EIF2S2: variants seen among roughly 807,000 people sequenced by gnomAD.
EIF2S2 encodes the protein eukaryotic translation initiation factor 2 subunit 2.
Under a neutral mutation model 44.0 loss-of-function variants are expected in EIF2S2, and 4 were observed. That is an observed-to-expected ratio of 0.09 (90% CI 0.04 to 0.21). The LOEUF is 0.21. Ranked by LOEUF, EIF2S2 falls within the 10% of genes least tolerant of loss-of-function variation. The pLI is 1.00. For synonymous variants in EIF2S2, 108 were observed against 128.3 expected, an observed-to-expected ratio of 0.84 and a Z score of 1.07; for missense variants, 154 against 392.0, an observed-to-expected ratio of 0.39 and a Z score of 5.13.
chr20:34,095,256 G>A (rs1468854885), intron 6 of EIF2S2, among the ~76,000 whole-genome samples: 1 of 150,558 alleles, frequency 6.6e-6, no homozygotes, highest in African/African-American at 2.4e-5. Context: ...TTTAAAATAT[G>A]TACATAAAAC....
At chr20:34,105,628 A>G in intron 1 of EIF2S2, 83 bp from the exon 2 acceptor site, 1 of 1,300,360 alleles carries the variant, frequency 7.7e-7, no homozygotes, top group East Asian at 2.5e-5. Context: ...TATCCTCAAA[A>G]GGCATACTCT....
intron 1 of EIF2S2, among the ~76,000 whole-genome samples, chr20:34,109,815 A>G (rs2034391375): frequency 6.6e-6 from 1 of 152,044 alleles, no homozygotes; most frequent in Admixed American, 6.5e-5. Flanking sequence ...AAAAAAACAA[A>G]AACAGAAGGC....
intron 1 of EIF2S2, among the ~76,000 whole-genome samples, chr20:34,107,252 A>C (rs2034360427): frequency 6.6e-6 from 1 of 151,796 alleles, no homozygotes. Flanking sequence ...TTTTTTCCTG[A>C]ACCCCTTACC....
chr20:34,109,250 T>C (rs576742560), intron 1 of EIF2S2, among the ~76,000 whole-genome samples: 2 of 152,330 alleles, frequency 1.3e-5, no homozygotes, highest in Non-Finnish European at 2.9e-5. Context: ...TTCTGACTCC[T>C]TGTGAATGGG....
chr20:34,109,809 A>C, intron 1 of EIF2S2, among the ~76,000 whole-genome samples: 1 of 152,014 alleles, frequency 6.6e-6, no homozygotes, highest in East Asian at 1.9e-4. Context: ...GAAAAAAAAA[A>C]AACAAAAACA....
intron 4 of EIF2S2, among the ~76,000 whole-genome samples, chr20:34,098,070 A>T (rs2034251395): frequency 6.6e-6 from 1 of 151,942 alleles, no homozygotes. Flanking sequence ...ACATGGAGAA[A>T]CTCCCATCTC....
intron 7 of EIF2S2, among the ~76,000 whole-genome samples, chr20:34,093,047 A>T (rs1233626151): frequency 1.3e-5 from 2 of 152,250 alleles, no homozygotes; most frequent in African/African-American, 4.8e-5. Flanking sequence ...CACTTGGCAC[A>T]AAAGAGGTGC....
chr20:34,098,467 T>C, intron 4 of EIF2S2, 31 bp downstream of exon 4: 1 of 1,610,756 alleles, frequency 6.2e-7, no homozygotes, highest in Non-Finnish European at 8.5e-7. Context: ...TTGAGTAACC[T>C]CTAAATGTGC....
intron 1 of EIF2S2, among the ~76,000 whole-genome samples, chr20:34,111,661 T>G (rs1002064115): frequency 1.3e-5 from 2 of 152,192 alleles, no homozygotes; most frequent in African/African-American, 4.8e-5. Context: ...CCTAGAAAGT[T>G]TTAACGAGGG....
chr20:34,097,343 A>AT, intron 5 of EIF2S2, 73 bp downstream of exon 5: 6 of 1,312,996 alleles, frequency 4.6e-6, no homozygotes, highest in East Asian at 2.3e-5. Context: ...GGCCGTTCCA[A>AT]TAAGATTTAT....
At chr20:34,111,024 G>T (rs529365746) in intron 1 of EIF2S2, among the ~76,000 whole-genome samples, 8 of 152,258 alleles carry the variant, frequency 5.3e-5, no homozygotes, top group South Asian at 2.1e-4. Context: ...CACAACAATA[G>T]ACCTATTTTA....
intron 4 of EIF2S2, 58 bp from the exon 5 acceptor site, chr20:34,097,574 G>C: frequency 1.4e-6 from 2 of 1,415,984 alleles, no homozygotes; most frequent in Middle Eastern, 1.8e-4. Context: ...TACAAAAGTG[G>C]GGTGGGTCTA....
At chr20:34,091,784 G>GGT (rs2034168303) in intron 7 of EIF2S2, among the ~76,000 whole-genome samples, 1 of 143,102 alleles carries the variant, frequency 7.0e-6, no homozygotes, top group South Asian at 2.4e-4. Flanking sequence ...TTTGGGGGGG[G>GGT]GGGGTCCAAG....
intron 4 of EIF2S2, 71 bp downstream of exon 4, chr20:34,098,427 A>AC: frequency 6.4e-7 from 1 of 1,566,734 alleles, no homozygotes; most frequent in Middle Eastern, 2.3e-4. Context: ...AGCACCCTCC[A>AC]CCCCCATCAA....
intron 6 of EIF2S2, among the ~76,000 whole-genome samples, chr20:34,095,894 GA>G (rs1246483577): frequency 6.6e-6 from 1 of 152,116 alleles, no homozygotes; most frequent in Non-Finnish European, 1.5e-5. Flanking sequence ...TGGTCCTAAG[GA>G]AACTGCCAGA....
chr20:34,099,784 C>A (rs761340055), intron 3 of EIF2S2, among the ~76,000 whole-genome samples: 6 of 152,066 alleles, frequency 3.9e-5, no homozygotes, highest in Non-Finnish European at 7.3e-5. Context: ...GTACTTACTA[C>A]TGCCAATTTA....
intron 3 of EIF2S2, 35 bp downstream of exon 3, chr20:34,103,427 G>C: frequency 6.6e-7 from 1 of 1,514,808 alleles, no homozygotes; most frequent in Non-Finnish European, 8.9e-7. Flanking sequence ...CTTGCAAGAG[G>C]TCAAATTTTA....
intron 3 of EIF2S2, among the ~76,000 whole-genome samples, chr20:34,100,888 A>G (rs1473479216): frequency 2.0e-5 from 3 of 152,200 alleles, no homozygotes; most frequent in African/African-American, 4.8e-5. Flanking sequence ...AGAAGAGCAG[A>G]AAAGGCCAGT....
At chr20:34,102,358 T>C (rs1054499542) in intron 3 of EIF2S2, among the ~76,000 whole-genome samples, 2 of 152,164 alleles carry the variant, frequency 1.3e-5, no homozygotes, top group African/African-American at 2.4e-5. Flanking sequence ...ACAAGATGAA[T>C]CCAGATAAAA....
Sources: gnomAD v4.1 joint callset for allele counts (sites outside exome capture counted in the v4.1 genomes callset) on GRCh38, gnomAD v4.1.1 for gene constraint, MANE v1.5 for transcripts, NCBI Gene and HGNC (gene_info 2026-07-23, HGNC 2026-07-21) for gene names.